The following PIK3C2G variants were observed in gnomAD, a reference collection of about 807,000 sequenced individuals.
PIK3C2G encodes the protein phosphatidylinositol 3-kinase C2 domain-containing subunit gamma.
In PIK3C2G, 168 loss-of-function variants were observed where a neutral mutation model predicts 181.1. The observed-to-expected ratio is 0.93, with a 90% confidence interval of 0.82 to 1.05. PIK3C2G has a LOEUF of 1.05. PIK3C2G is among the 50% of genes least tolerant of loss of function. The pLI is 0.00. For missense variants in PIK3C2G, 1,869 were observed against 1,732.8 expected, an observed-to-expected ratio of 1.08 and a Z score of -1.40; for synonymous variants, 573 against 592.2, an observed-to-expected ratio of 0.97 and a Z score of 0.47.
At chr12:18,457,059 AC>A (rs1280138640) in intron 18 of PIK3C2G, among the ~76,000 whole-genome samples, 16 of 152,170 alleles carry the variant, frequency 1.1e-4, no homozygotes, top group Non-Finnish European at 1.5e-4. Flanking sequence ...AAATACAAGT[AC>A]AATGGAAACA....
chr12:18,319,102 T>A (rs1410850835), intron 6 of PIK3C2G, among the ~76,000 whole-genome samples: 1 of 151,838 alleles, frequency 6.6e-6, no homozygotes, highest in Non-Finnish European at 1.5e-5. Flanking sequence ...AATAAATAAA[T>A]AATAAAAAGC....
intron 29 of PIK3C2G, among the ~76,000 whole-genome samples, chr12:18,576,343 G>A (rs552032978): frequency 7.9e-5 from 12 of 152,224 alleles, no homozygotes; most frequent in African/African-American, 2.6e-4. Flanking sequence ...AACATTGCCT[G>A]GCCATGGGCA....
At chr12:18,580,992 A>G (rs74784666) in intron 29 of PIK3C2G, among the ~76,000 whole-genome samples, 524 of 152,290 alleles carry the variant, frequency 3.4e-3, no homozygotes, top group Non-Finnish European at 5.2e-3. Context: ...TCTTGCTGTT[A>G]TATTACATTA....
At chr12:18,688,817 T>C in the PIK3C2G span, among the ~76,000 whole-genome samples, 2 of 152,062 alleles carry the variant, frequency 1.3e-5, no homozygotes, top group African/African-American at 4.8e-5. Context: ...AACAAAACTA[T>C]ATTTGAAATG....
chr12:18,299,015 T>C (rs773503394), intron 5 of PIK3C2G, among the ~76,000 whole-genome samples: 3 of 152,022 alleles, frequency 2.0e-5, no homozygotes, highest in Non-Finnish European at 2.9e-5. Context: ...TTGCTCAAGA[T>C]TGCATTCACT....
chr12:18,504,114 C>G (rs1009539323), intron 23 of PIK3C2G, among the ~76,000 whole-genome samples: 1 of 152,124 alleles, frequency 6.6e-6, no homozygotes, highest in Admixed American at 6.5e-5. Context: ...ATCCTGTGCA[C>G]TGAAATCCCC....
the PIK3C2G span, among the ~76,000 whole-genome samples, chr12:18,697,398 T>C: frequency 6.6e-6 from 1 of 152,174 alleles, no homozygotes; most frequent in South Asian, 2.1e-4. Context: ...CATGCTCCCT[T>C]ATCTAGTCCT....
downstream of PIK3C2G, among the ~76,000 whole-genome samples, chr12:18,651,609 A>G (rs1471299930): frequency 6.6e-6 from 1 of 152,012 alleles, no homozygotes; most frequent in Non-Finnish European, 1.5e-5. Context: ...ACTCAGAAAC[A>G]CCCAAAGCCC....
intron 1 of PIK3C2G, among the ~76,000 whole-genome samples, chr12:18,269,991 C>T (rs1948679730): frequency 1.3e-5 from 2 of 149,126 alleles, no homozygotes; most frequent in African/African-American, 4.9e-5. Flanking sequence ...CTCACTGCAA[C>T]CTCCACCTCC....
intron 16 of PIK3C2G, among the ~76,000 whole-genome samples, chr12:18,401,681 C>A (rs1250851902): frequency 6.6e-6 from 1 of 151,864 alleles, no homozygotes; most frequent in Non-Finnish European, 1.5e-5. Context: ...GATAAATAAC[C>A]CAACTGTAAA....
intron 3 of PIK3C2G, among the ~76,000 whole-genome samples, chr12:18,290,359 A>G (rs12230636): frequency 0.059 from 9,027 of 152,246 alleles, 884 homozygotes; most frequent in East Asian, 0.47. Flanking sequence ...GTAGTTGTGT[A>G]GTATCCAAAA....
chr12:18,698,242 C>CTTCTATTCTATTCTATTCTATTCTA, the PIK3C2G span, among the ~76,000 whole-genome samples: 2,043 of 145,494 alleles, frequency 0.014, 29 homozygotes, highest in African/African-American at 0.016. Flanking sequence ...ATACACTTTT[C>CTTCTATTCTATTCTATTCTATTCTA]TTCTATTCTA....
intron 31 of PIK3C2G, among the ~76,000 whole-genome samples, chr12:18,634,359 T>C (rs964526573): frequency 2.6e-5 from 4 of 152,164 alleles, no homozygotes; most frequent in Admixed American, 2.0e-4. Flanking sequence ...AGTGGGCCTA[T>C]GGGATTTTGG....
chr12:18,568,501 G>A (rs968962686), intron 29 of PIK3C2G, among the ~76,000 whole-genome samples: 2 of 152,046 alleles, frequency 1.3e-5, no homozygotes, highest in Admixed American at 1.3e-4. Flanking sequence ...TCCAAAATCT[G>A]TAGGGTGGGC....
chr12:18,605,830 A>G (rs1947984945), intron 30 of PIK3C2G, among the ~76,000 whole-genome samples: 1 of 152,084 alleles, frequency 6.6e-6, no homozygotes, highest in African/African-American at 2.4e-5. Context: ...TCTCTACAGC[A>G]TGGTGCTTAT....
At chr12:18,643,957 A>G (rs770002531) in intron 32 of PIK3C2G, among the ~76,000 whole-genome samples, 2 of 152,296 alleles carry the variant, frequency 1.3e-5, no homozygotes, top group East Asian at 1.9e-4. Context: ...TACAAAGAAG[A>G]TATTACACTG....
At chr12:18,383,223 A>G (rs1196429768) in intron 14 of PIK3C2G, among the ~76,000 whole-genome samples, 4 of 152,256 alleles carry the variant, frequency 2.6e-5, no homozygotes, top group Non-Finnish European at 4.4e-5. Context: ...CATGTTTTAC[A>G]TATGACTACT....
chr12:18,522,052 C>T (rs369335950), intron 24 of PIK3C2G, among the ~76,000 whole-genome samples: 32 of 152,328 alleles, frequency 2.1e-4, no homozygotes, highest in East Asian at 1.9e-3. Flanking sequence ...CTTCCTTCCT[C>T]TCTGTGGGTC....
chr12:18,456,271 G>A (rs1382529448), intron 18 of PIK3C2G, among the ~76,000 whole-genome samples: 2 of 152,302 alleles, frequency 1.3e-5, no homozygotes, highest in East Asian at 3.9e-4. Context: ...AATTAAGGAT[G>A]CGGACACACA....
Sources: allele counts gnomAD v4.1 joint callset (sites outside exome capture counted in the v4.1 genomes callset), GRCh38; gene constraint gnomAD v4.1.1; transcripts MANE v1.5; gene names NCBI Gene and HGNC (gene_info 2026-07-23, HGNC 2026-07-21).